The following PCDHGA8 variants were observed in gnomAD, a reference collection of about 807,000 sequenced individuals.
PCDHGA8 encodes the protein protocadherin gamma-A8.
PCDHGA8 carries 45 observed loss-of-function variants against 59.2 expected under a neutral mutation model. That is an observed-to-expected ratio of 0.76 (90% CI 0.60 to 0.98). The LOEUF (loss-of-function observed/expected upper bound fraction) is 0.98, where lower values mean the gene tolerates loss of function less well. Among genes scored for constraint, PCDHGA8 ranks in the 50% least tolerant of loss-of-function variants. The probability of loss-of-function intolerance (pLI) is 0.00; values close to 1 mark genes in which losing one functional copy is unlikely to be tolerated. For synonymous variants in PCDHGA8, 531 were observed against 519.0 expected (o/e 1.02, Z -0.32); for missense variants, 1,257 against 1,196.2 (o/e 1.05, Z -0.75).
rs773893751 is a variant in PCDHGA8 at position 141,431,903 on chromosome 5, G to A, written c.2424+36666G>A. 2 of 1,613,916 alleles carry A rather than the reference G, an allele frequency of 1.2e-6. No individual in the cohort carries two copies. Among genetic ancestry groups the A allele is most frequent in the South Asian group, 2.2e-5 (2 of 91,080 alleles). ...CCAAGATTCTGAGGAAAACGGACAG[G>A]TGATCTGTTTCATCCAAGGAAATCT... On this transcript the variant is annotated intron_variant, in intron 1 of 3. Transcript: ENST00000398604. The surrounding 1 kb of genome is among the most constrained non-coding windows in gnomAD (Gnocchi z 4.8).
chr5:141,485,920 T>G lies in PCDHGA8; in HGVS notation c.2425-8887T>G. 4 of 1,614,038 alleles carry G rather than the reference T, an allele frequency of 2.5e-6. No individual in the cohort carries two copies. Among genetic ancestry groups the G allele is most frequent in the Non-Finnish European group, 3.4e-6 (4 of 1,180,010 alleles). ...CCTTCCAGCAATCCAGCTACAGGAT[T>G]AGTGTGTTGGAGAGCGCACCAGCGG... On this transcript the variant is annotated intron_variant, in intron 1 of 3. Transcript: ENST00000398604. The surrounding 1 kb of genome is among the most constrained non-coding windows in gnomAD (Gnocchi z 5.7).
chr5:141,460,172 G>T (rs545017378), intron 1 of PCDHGA8, among the ~76,000 whole-genome samples: 1 of 151,852 alleles, frequency 6.6e-6, no homozygotes, highest in South Asian at 2.1e-4. Flanking sequence ...ATATTTTGTG[G>T]ATATTTTATC....
At chr5:141,404,232 G>GTCCAC (rs2094500642) in intron 1 of PCDHGA8, 1 of 1,613,696 alleles carries the variant, frequency 6.2e-7, no homozygotes, top group African/African-American at 1.3e-5. Flanking sequence ...GCAACAGACA[G>GTCCAC]AGGAACTCCG....
chr5:141,395,542 T>TTGTTTGTTTGTG (rs1267535064), intron 1 of PCDHGA8: 1 of 168,708 alleles, frequency 5.9e-6, no homozygotes, highest in African/African-American at 5.7e-5. Flanking sequence ...TTGCTATTGT[T>TTGTTTGTTTGTG]TGTGTGTGTG....
chr5:141,446,528 G>A (rs2098505974), intron 1 of PCDHGA8, among the ~76,000 whole-genome samples: 1 of 151,952 alleles, frequency 6.6e-6, no homozygotes, highest in South Asian at 2.1e-4. Flanking sequence ...CCAGGCTGGA[G>A]TGCAGTGGCC....
At chr5:141,421,206 G>A in intron 1 of PCDHGA8, 1 of 1,531,730 alleles carries the variant, frequency 6.5e-7, no homozygotes, top group Non-Finnish European at 8.8e-7. Context: ...AGAAACCGCG[G>A]AATATCGGCT....
In PCDHGA8 at chr5:141,394,525, G is replaced by T; in HGVS notation, c.1712G>T (p.Gly571Val). ...CTGTACCCCGCCCTCCCCACAGACG[G>T]TTCCACTGGCGTGGAGCTGGCGCCC... ...EILYPALPTD[G>V]STGVELAPRS... Residue 571 changes from glycine (G) to valine (V), a missense_variant, in exon 1 of 4, where the codon GGT (glycine) becomes GTT (valine). Coordinates refer to ENST00000398604, the MANE Select transcript of PCDHGA8 (RefSeq NM_032088.2). 3 of 1,614,228 alleles carry T rather than the reference G, an allele frequency of 1.9e-6. No homozygotes were observed. The East Asian group carries it at 6.7e-5, about 36-fold the overall frequency.
rs188338684 is a variant in PCDHGA8, at chr5:141,431,953, C to T, written c.2424+36716C>T. ...TGCCCTTTAAATTAGAAAAATCTTA[C>T]GGAAATTACTATAGTTTAGTCACAG... On this transcript the variant is annotated intron_variant, in intron 1 of 3. Transcript: ENST00000398604. The surrounding 1 kb of genome is among the most constrained non-coding windows in gnomAD (Gnocchi z 4.8). 2.4e-5 allele frequency: 38 copies of T among 1,614,082 alleles called. No homozygotes were observed. In the East Asian group the frequency reaches 7.6e-4, roughly 32 times the overall value.
At chr5:141,451,107 C>T (rs768308463) in intron 1 of PCDHGA8, among the ~76,000 whole-genome samples, 3 of 152,118 alleles carry the variant, frequency 2.0e-5, no homozygotes, top group Non-Finnish European at 4.4e-5. Flanking sequence ...GGATTACAGG[C>T]GTGAGCCACC....
At chr5:141,415,122 C>T (rs552568826) in intron 1 of PCDHGA8, 34 of 1,613,668 alleles carry the variant, frequency 2.1e-5, no homozygotes, top group Admixed American at 6.7e-5. Flanking sequence ...TCGTAGTGGC[C>T]GTCCAGGACC....
intron 1 of PCDHGA8, chr5:141,423,265 G>T: frequency 6.2e-7 from 1 of 1,613,666 alleles, no homozygotes; most frequent in Non-Finnish European, 8.5e-7. Flanking sequence ...CGGCAGCCTC[G>T]AGTCTCTGGC....
Position 141,491,589 on chromosome 5 carries a change from C to T in PCDHGA8, c.2425-3218C>T. 6.2e-7 allele frequency: 1 copy of T among 1,613,926 alleles called. No homozygotes were observed. The highest frequency in any genetic ancestry group is 8.5e-7 in the Non-Finnish European group (1 of 1,180,024). ...GGACGTGCTTTTCACCGGCCTCGGA[C>T]GGCAGTGACTTCACTTTTCTAAGAC... On this transcript the variant is annotated intron_variant, in intron 1 of 3. Transcript: ENST00000398604. This position sits in a 1 kb window ranked among gnomAD's most constrained non-coding sequence, Gnocchi z 6.9.
At chr5:141,439,207 C>A (rs1003519997) in intron 1 of PCDHGA8, among the ~76,000 whole-genome samples, 1 of 149,828 alleles carries the variant, frequency 6.7e-6, no homozygotes, top group Non-Finnish European at 1.5e-5. Context: ...AAAAAAAAAT[C>A]CATATGTGAA....
At chr5:141,405,074 G>A (rs536930748) in intron 1 of PCDHGA8, 7 of 1,613,794 alleles carry the variant, frequency 4.3e-6, no homozygotes, top group Non-Finnish European at 5.1e-6. Context: ...CCTCACCTTC[G>A]TTATCACGCT....
chr5:141,423,011 T>C, intron 1 of PCDHGA8: 4 of 1,614,186 alleles, frequency 2.5e-6, no homozygotes, highest in Non-Finnish European at 3.4e-6. Flanking sequence ...GTGGTTGCGG[T>C]GGACAAAGAT....
intron 1 of PCDHGA8, among the ~76,000 whole-genome samples, chr5:141,467,931 T>C (rs771009105): frequency 1.3e-5 from 2 of 151,966 alleles, no homozygotes; most frequent in Non-Finnish European, 2.9e-5. Flanking sequence ...AATGCTAGGA[T>C]TACAAGCATG....
chr5:141,480,074 A>G (rs976924380), intron 1 of PCDHGA8, among the ~76,000 whole-genome samples: 5 of 152,196 alleles, frequency 3.3e-5, no homozygotes, highest in Non-Finnish European at 7.3e-5. Flanking sequence ...TATAAGATTC[A>G]TGCATGATAT....
intron 1 of PCDHGA8, chr5:141,421,422 C>A (rs908483513): frequency 6.2e-7 from 1 of 1,614,086 alleles, no homozygotes; most frequent in South Asian, 1.1e-5. Flanking sequence ...AGCGCGGAGT[C>A]CGCATCGTCT....
At chr5:141,414,316 G>T (rs2095734692) in intron 1 of PCDHGA8, 1 of 1,613,682 alleles carries the variant, frequency 6.2e-7, no homozygotes, top group Admixed American at 1.7e-5. Flanking sequence ...TTTAGACTCT[G>T]AGCAGAATGG....
Sources: gnomAD v4.1 joint callset for allele counts (sites outside exome capture counted in the v4.1 genomes callset) on GRCh38, gnomAD v4.1.1 for gene constraint, Gnocchi (gnomAD v3.1) non-coding constraint, MANE v1.5 for transcripts, NCBI Gene and HGNC (gene_info 2026-07-23, HGNC 2026-07-21) for gene names.